The following MINDY4 variants were observed in gnomAD, a reference collection of about 807,000 sequenced individuals.
The protein encoded by MINDY4 is probable ubiquitin carboxyl-terminal hydrolase MINDY-4.
A neutral mutation model predicts 87.0 loss-of-function variants in MINDY4; 68 were observed. That is an observed-to-expected ratio of 0.78 (90% CI 0.64 to 0.96). MINDY4 has a LOEUF of 0.96. Ranked by LOEUF, MINDY4 falls within the 40% of genes least tolerant of loss-of-function variation. MINDY4 has a pLI of 0.00. For missense variants in MINDY4, 919 were observed against 928.2 expected (o/e 0.99, Z 0.13); for synonymous variants, 379 against 363.2 (o/e 1.04, Z -0.50).
At chr7:30,885,619 T>A (rs947396370) in intron 17 of MINDY4, among the ~76,000 whole-genome samples, 1 of 152,068 alleles carries the variant, frequency 6.6e-6, no homozygotes, top group Admixed American at 6.6e-5. Flanking sequence ...TAGGGCCCAA[T>A]AATTTGCATT....
intron 5 of MINDY4, among the ~76,000 whole-genome samples, chr7:30,822,624 C>T (rs372073787): frequency 0.2 from 24,097 of 122,178 alleles, 2,611 homozygotes; most frequent in East Asian, 0.44. Flanking sequence ...ACGTGCCTGT[C>T]TATTTTATTT....
chr7:30,814,253 G>GTAA (rs1788086174), intron 5 of MINDY4, among the ~76,000 whole-genome samples: 1 of 152,140 alleles, frequency 6.6e-6, no homozygotes, highest in Non-Finnish European at 1.5e-5. Flanking sequence ...TGAAGCTTAA[G>GTAA]CTTCATTAGC....
At chr7:30,841,635 T>TA (rs202120302) in intron 9 of MINDY4, among the ~76,000 whole-genome samples, 42 of 148,762 alleles carry the variant, frequency 2.8e-4, no homozygotes, top group South Asian at 4.3e-4. Context: ...TGGCCTTTTT[T>TA]AAAAAAAAAA....
intron 5 of MINDY4, among the ~76,000 whole-genome samples, chr7:30,820,520 C>T (rs1788294563): frequency 6.6e-6 from 1 of 152,146 alleles, no homozygotes; most frequent in Non-Finnish European, 1.5e-5. Context: ...AGTTTTTCTC[C>T]ATTCCTCCCC....
intron 14 of MINDY4, among the ~76,000 whole-genome samples, chr7:30,873,298 A>G (rs1018697496): frequency 3.3e-5 from 5 of 152,200 alleles, no homozygotes; most frequent in Admixed American, 1.3e-4. Context: ...TTTCTGGGGC[A>G]GAGAAGGATG....
chr7:30,873,375 A>C (rs1242902188), intron 14 of MINDY4, among the ~76,000 whole-genome samples: 1 of 152,176 alleles, frequency 6.6e-6, no homozygotes, highest in Non-Finnish European at 1.5e-5. Context: ...GCTGGGTCCC[A>C]AGCCCTGTTC....
chr7:30,866,953 C>G (rs991554852), intron 13 of MINDY4, among the ~76,000 whole-genome samples: 1 of 150,960 alleles, frequency 6.6e-6, no homozygotes, highest in Non-Finnish European at 1.5e-5. Flanking sequence ...TCCTAGCCCT[C>G]TCCTCTTACT....
intron 13 of MINDY4, among the ~76,000 whole-genome samples, chr7:30,862,394 G>A (rs1789792373): frequency 6.6e-6 from 1 of 152,218 alleles, no homozygotes; most frequent in Admixed American, 6.5e-5. Flanking sequence ...GCCATTCTCT[G>A]GCCTTCCAGA....
At chr7:30,819,273 G>C (rs1788251841) in intron 5 of MINDY4, among the ~76,000 whole-genome samples, 1 of 152,088 alleles carries the variant, frequency 6.6e-6, no homozygotes, top group Non-Finnish European at 1.5e-5. Flanking sequence ...AATATTTTCT[G>C]CCATTATTTC....
At chr7:30,803,984 C>T (rs918683961) in intron 5 of MINDY4, among the ~76,000 whole-genome samples, 1 of 152,188 alleles carries the variant, frequency 6.6e-6, no homozygotes, top group Non-Finnish European at 1.5e-5. Context: ...AAAGTCTTTC[C>T]CTTGCCAAAT....
intron 9 of MINDY4, among the ~76,000 whole-genome samples, chr7:30,847,101 G>T (rs1161292756): frequency 2.0e-5 from 3 of 152,188 alleles, no homozygotes; most frequent in Admixed American, 2.0e-4. Flanking sequence ...TTGTAGGTGG[G>T]CAGGGAAACA....
At chr7:30,849,860 CTT>C (rs1434812678) in intron 9 of MINDY4, among the ~76,000 whole-genome samples, 1 of 152,224 alleles carries the variant, frequency 6.6e-6, no homozygotes, top group East Asian at 1.9e-4. Flanking sequence ...CCACATTGTC[CTT>C]ATTTTGCTTG....
chr7:30,841,010 A>G (rs534992178), intron 9 of MINDY4, among the ~76,000 whole-genome samples, 162 bp downstream of exon 9: 1 of 152,202 alleles, frequency 6.6e-6, no homozygotes, highest in African/African-American at 2.4e-5. Context: ...GCCTGCGCAG[A>G]CCAGTGTTAA....
In MINDY4 at chr7:30,850,595, C is replaced by T. The variant is rs1187328800; in HGVS notation, c.1547+40C>T. On this transcript the variant is annotated intron_variant, in intron 10 of 17. Transcript: ENST00000265299. ...GGTCTGTGTTGCCGTGGCTCATCGT[C>T]TGCTGGCAGCTGCCGGCAAGCTGGC... is the stretch of plus-strand genomic sequence containing the variant. 4.5e-6 allele frequency: 7 copies of T among 1,538,864 alleles called. No homozygotes were observed. In the South Asian group the frequency reaches 7.1e-5, roughly 16 times the overall value.
intron 11 of MINDY4, 38 bp from the exon 12 acceptor site, chr7:30,853,356 G>C (rs34611979): frequency 0.014 from 22,271 of 1,579,878 alleles, 209 homozygotes; most frequent in Middle Eastern, 0.017. Context: ...ACTGCGTGGG[G>C]CTTGGGCCAC....
At chr7:30,810,316 G>C (rs1411664587) in intron 5 of MINDY4, among the ~76,000 whole-genome samples, 1 of 148,994 alleles carries the variant, frequency 6.7e-6, no homozygotes, top group Non-Finnish European at 1.5e-5. Context: ...TTTAAAAGTA[G>C]CTAGGCCTCC....
At chr7:30,871,729 G>A (rs535262330) in intron 13 of MINDY4, among the ~76,000 whole-genome samples, 13 of 152,332 alleles carry the variant, frequency 8.5e-5, no homozygotes, top group African/African-American at 2.9e-4. Flanking sequence ...TTCTCAAAGG[G>A]TTTTAGGGAA....
chr7:30,828,857 G>A lies in MINDY4; in HGVS notation c.1132+120G>A. The A allele has an allele frequency of 4.5e-6, 4 of 883,636 alleles. No homozygotes were observed. The South Asian group carries it at 5.6e-5, about 12-fold the overall frequency. The allele number at this position is 883,636 out of a possible 1,614,324, so 54.7% of individuals were successfully genotyped here. Reference sequence around the variant, plus strand: ...CTTCCACCTGACCTCAGCGAGTGGGGCTGGTCAAGTGAGTAGAGTAGACTA... The same window carrying A: ...CTTCCACCTGACCTCAGCGAGTGGGACTGGTCAAGTGAGTAGAGTAGACTA... On this transcript the variant is annotated intron_variant, in intron 6 of 17. Transcript: ENST00000265299.
At chr7:30,788,043 C>T (rs754396293) in intron 4 of MINDY4, among the ~76,000 whole-genome samples, 1 of 152,172 alleles carries the variant, frequency 6.6e-6, no homozygotes, top group African/African-American at 2.4e-5. Flanking sequence ...AAATTAGTGA[C>T]ATGAGTAGCA....
Sources: gnomAD v4.1 joint callset for allele counts (sites outside exome capture counted in the v4.1 genomes callset) on GRCh38, gnomAD v4.1.1 for gene constraint, MANE v1.5 for transcripts, NCBI Gene and HGNC (gene_info 2026-07-23, HGNC 2026-07-21) for gene names.